WWOX: variants seen among roughly 807,000 people sequenced by gnomAD.
WWOX encodes the protein WW domain containing oxidoreductase.
WWOX carries 69 observed loss-of-function variants against 46.2 expected under a neutral mutation model. That is an observed-to-expected ratio of 1.49 (90% CI 1.23 to 1.82). WWOX has a LOEUF of 1.82. Ranked by LOEUF, WWOX falls within the 40% of genes most tolerant of loss-of-function variation. The pLI is 0.00. For missense variants in WWOX, 919 were observed against 542.6 expected, an observed-to-expected ratio of 1.69 and a Z score of -6.89; for synonymous variants, 359 against 202.6, an observed-to-expected ratio of 1.77 and a Z score of -6.56.
chr16:78,227,118 G>C (rs1410669866), intron 5 of WWOX, among the ~76,000 whole-genome samples: 2 of 152,112 alleles, frequency 1.3e-5, no homozygotes, highest in Non-Finnish European at 2.9e-5. Flanking sequence ...CAGCCACGCG[G>C]GCTCGCAATA....
chr16:79,151,515 A>C (rs192903314), intron 8 of WWOX, among the ~76,000 whole-genome samples: 26 of 152,348 alleles, frequency 1.7e-4, no homozygotes, highest in African/African-American at 5.5e-4. Flanking sequence ...CTACATGATC[A>C]GTGTTCAGGT....
chr16:78,586,372 C>T (rs2045208492), intron 8 of WWOX, among the ~76,000 whole-genome samples: 3 of 152,210 alleles, frequency 2.0e-5, no homozygotes, highest in South Asian at 4.1e-4. Flanking sequence ...CAAACCTCTC[C>T]ATGTCTCAGT....
chr16:79,186,204 A>T (rs1477127712), intron 8 of WWOX, among the ~76,000 whole-genome samples: 1 of 152,186 alleles, frequency 6.6e-6, no homozygotes, highest in Non-Finnish European at 1.5e-5. Flanking sequence ...AGATGATAAC[A>T]GGAATAATTC....
chr16:78,713,781 C>T (rs59317285), intron 8 of WWOX, among the ~76,000 whole-genome samples: 2 of 152,250 alleles, frequency 1.3e-5, no homozygotes, highest in African/African-American at 2.4e-5. Context: ...GTTGTTTAAG[C>T]CACCTAGTCT....
At chr16:78,416,647 A>G (rs1037467920) in intron 6 of WWOX, among the ~76,000 whole-genome samples, 2 of 152,224 alleles carry the variant, frequency 1.3e-5, no homozygotes, top group African/African-American at 4.8e-5. Context: ...AGTAACTAGA[A>G]GAGACATTGT....
At chr16:78,705,935 A>G (rs982430648) in intron 8 of WWOX, among the ~76,000 whole-genome samples, 1 of 152,116 alleles carries the variant, frequency 6.6e-6, no homozygotes, top group East Asian at 1.9e-4. Context: ...CACACTAAGG[A>G]ATGTTTGAGT....
intron 8 of WWOX, among the ~76,000 whole-genome samples, chr16:79,139,994 C>G (rs146826322): frequency 1.9e-4 from 29 of 152,296 alleles, no homozygotes; most frequent in African/African-American, 7.0e-4. Context: ...TGGCAGCCGA[C>G]CACAGTTCCA....
intron 8 of WWOX, chr16:78,825,676 G>A (rs2051633154): frequency 3.8e-6 from 2 of 530,530 alleles, no homozygotes; most frequent in Non-Finnish European, 7.3e-6. Context: ...GCCATAGGCT[G>A]CCAAGCTGTG....
intron 8 of WWOX, among the ~76,000 whole-genome samples, chr16:78,604,598 T>C (rs1402402172): frequency 6.6e-6 from 1 of 152,086 alleles, no homozygotes; most frequent in East Asian, 1.9e-4. Context: ...GATTCTATTA[T>C]TTACCCTTTT....
chr16:78,430,114 A>T (rs2151383270), intron 7 of WWOX, among the ~76,000 whole-genome samples: 1 of 152,296 alleles, frequency 6.6e-6, no homozygotes. Context: ...ATCATGGCGG[A>T]AGATGAAGGA....
At chr16:78,592,135 T>G (rs980011572) in intron 8 of WWOX, among the ~76,000 whole-genome samples, 1 of 152,226 alleles carries the variant, frequency 6.6e-6, no homozygotes, top group Non-Finnish European at 1.5e-5. Flanking sequence ...GATGTGCATA[T>G]GTGAAAATAA....
rs529377607 is a variant in WWOX at position 78,863,032 on chromosome 16, C to T, written c.1057-348576C>T. Among the ~76,000 whole-genome samples the T allele has an allele frequency of 3.4e-5, 5 of 148,420 alleles. No homozygotes were observed. The East Asian group carries it at 8.0e-4, about 24-fold the overall frequency. On this transcript the variant is annotated intron_variant, in intron 8 of 8. Transcript: ENST00000566780. ...GGAGTGCAGTGGTGCAACCTTGGCTCACCACAACCTCTGCCTCCCAGGTTC... is the reference window on the plus strand; with the variant it reads ...GGAGTGCAGTGGTGCAACCTTGGCTTACCACAACCTCTGCCTCCCAGGTTC...
intron 8 of WWOX, among the ~76,000 whole-genome samples, chr16:78,859,026 AAATATATATATATATATATATATGT>A (rs1211380415): frequency 3.3e-4 from 8 of 23,928 alleles, no homozygotes; most frequent in African/African-American, 1.2e-3. Context: ...AAAAAAAAAA[AAATATATATATATATATATATATGT>A]ATATATATAT....
chr16:79,200,675 C>A (rs1337910729), intron 8 of WWOX, among the ~76,000 whole-genome samples: 2 of 152,090 alleles, frequency 1.3e-5, no homozygotes, highest in Non-Finnish European at 2.9e-5. Flanking sequence ...GACTAACCCT[C>A]CCTAAGCAGC....
intron 8 of WWOX, among the ~76,000 whole-genome samples, chr16:78,578,510 A>C (rs2044962793): frequency 1.3e-5 from 2 of 151,342 alleles, no homozygotes; most frequent in South Asian, 4.2e-4. Flanking sequence ...GGATGGTCTC[A>C]ATCTCCTGGC....
chr16:78,431,062 A>T (rs899977088), intron 7 of WWOX, among the ~76,000 whole-genome samples: 1 of 152,228 alleles, frequency 6.6e-6, no homozygotes, highest in Non-Finnish European at 1.5e-5. Flanking sequence ...TTTGACAAAC[A>T]TGAGACTGTT....
intron 8 of WWOX, among the ~76,000 whole-genome samples, chr16:78,801,771 G>C (rs572467964): frequency 7.2e-5 from 11 of 152,272 alleles, no homozygotes; most frequent in Non-Finnish European, 1.5e-4. Flanking sequence ...TGACATTTCA[G>C]TTTCAGACAA....
At chr16:78,501,346 A>G (rs1319862992) in intron 8 of WWOX, among the ~76,000 whole-genome samples, 1 of 151,828 alleles carries the variant, frequency 6.6e-6, no homozygotes. Flanking sequence ...TCAGATTTTC[A>G]AGAGCTTAAG....
chr16:78,756,787 G>T lies in WWOX; in HGVS notation c.1056+324035G>T, dbSNP rs114902789. ...GGCCTCTGGTGATTCTCAGTTCTTGGTAGCCATGTCTCAGCATAGTCTTCT... is the reference window on the plus strand; with the variant it reads ...GGCCTCTGGTGATTCTCAGTTCTTGTTAGCCATGTCTCAGCATAGTCTTCT... On this transcript the variant is annotated intron_variant, in intron 8 of 8. Transcript: ENST00000566780. 4.7e-3 allele frequency among the ~76,000 whole-genome samples: 710 copies of T among 152,194 alleles called. 4 individuals carry two copies. The highest frequency in any genetic ancestry group is 0.016 in the African/African-American group (646 of 41,522).
Sources: allele counts gnomAD v4.1 joint callset (sites outside exome capture counted in the v4.1 genomes callset), GRCh38; gene constraint gnomAD v4.1.1; transcripts MANE v1.5; gene names NCBI Gene and HGNC (gene_info 2026-07-23, HGNC 2026-07-21).